MICU3: variants seen among roughly 807,000 people sequenced by gnomAD.
MICU3 encodes the protein calcium uptake protein 3, mitochondrial.
In MICU3, 62 loss-of-function variants were observed where a neutral mutation model predicts 66.5. That is an observed-to-expected ratio of 0.93 (90% CI 0.76 to 1.15). The LOEUF (loss-of-function observed/expected upper bound fraction) is 1.15, where lower values mean the gene tolerates loss of function less well. MICU3 is among the 50% of genes most tolerant of loss of function. MICU3 has a pLI of 0.00. For missense variants in MICU3, 779 were observed against 664.4 expected (o/e 1.17, Z -1.90); for synonymous variants, 308 against 240.7 (o/e 1.28, Z -2.59).
Position 17,084,270 on chromosome 8 carries a change from C to T in MICU3, c.695-966C>T, listed in dbSNP as rs950407335. On this transcript the variant is annotated intron_variant, in intron 5 of 14. Transcript: ENST00000318063. ...CAAGATCTTTTTAAAGTGTAAAACTCGGTTATTAGAGATGTTGTAAATTTG... is the reference window on the plus strand; with the variant it reads ...CAAGATCTTTTTAAAGTGTAAAACTTGGTTATTAGAGATGTTGTAAATTTG... Among the ~76,000 whole-genome samples the T allele has an allele frequency of 7.2e-5, 11 of 152,040 alleles. No individual in the cohort carries two copies. In the South Asian group the frequency reaches 1.2e-3, roughly 17 times the overall value.
chr8:17,123,305 A>T (rs1427878811), downstream of MICU3, among the ~76,000 whole-genome samples: 2 of 152,152 alleles, frequency 1.3e-5, 1 homozygote, highest in East Asian at 3.8e-4. Context: ...TATAATTGTG[A>T]CTATACGCAC....
chr8:17,127,197 G>A (rs1803426658), downstream of MICU3, among the ~76,000 whole-genome samples: 1 of 152,132 alleles, frequency 6.6e-6, no homozygotes, highest in Non-Finnish European at 1.5e-5. Context: ...TCTATGAAAA[G>A]CACCCTGAAA....
At chr8:17,086,046 A>G (rs1215906606) in intron 6 of MICU3, among the ~76,000 whole-genome samples, 10 of 152,032 alleles carry the variant, frequency 6.6e-5, no homozygotes, top group Admixed American at 5.2e-4. Flanking sequence ...TAGCATATAT[A>G]TTACACTCTG....
chr8:17,057,841 G>A (rs1817185628), intron 1 of MICU3, among the ~76,000 whole-genome samples: 1 of 151,424 alleles, frequency 6.6e-6, no homozygotes, highest in Non-Finnish European at 1.5e-5. Context: ...TGTTCTTGTT[G>A]TTGTTGTTGT....
intron 1 of MICU3, among the ~76,000 whole-genome samples, chr8:17,062,642 A>T (rs1818023196): frequency 6.6e-6 from 1 of 152,180 alleles, no homozygotes; most frequent in Non-Finnish European, 1.5e-5. Context: ...TCTTATATGA[A>T]ATCATTTTAT....
chr8:17,072,745 A>G (rs184468926), intron 3 of MICU3, among the ~76,000 whole-genome samples: 1 of 152,288 alleles, frequency 6.6e-6, no homozygotes, highest in African/African-American at 2.4e-5. Flanking sequence ...GAACCTTACT[A>G]GTAACTTAGG....
rs944831027 is a variant in MICU3 at position 17,122,485 on chromosome 8, A to G, written c.*2198A>G. On this transcript the variant is annotated 3_prime_UTR_variant, in exon 15 of 15. Transcript: ENST00000318063. ...ATTAAACTTTTTACAGAAAGCATAC[A>G]TGATAAACAGTTTATGGTACTTCTC... 3.9e-5 allele frequency: 6 copies of G among 151,966 alleles called. No individual in the cohort carries two copies. The East Asian group carries it at 1.2e-3, about 29-fold the overall frequency. The allele number at this position is 151,966 out of a possible 1,614,324, so 9.4% of individuals were successfully genotyped here.
chr8:17,053,894 T>C (rs2150579381), intron 1 of MICU3, among the ~76,000 whole-genome samples: 1 of 152,306 alleles, frequency 6.6e-6, no homozygotes, highest in Admixed American at 6.5e-5. Flanking sequence ...AAGGTGTAAT[T>C]TCCTAGAAGG....
intron 3 of MICU3, among the ~76,000 whole-genome samples, chr8:17,071,558 T>C (rs928862284): frequency 3.3e-5 from 5 of 151,964 alleles, no homozygotes; most frequent in African/African-American, 1.2e-4. Flanking sequence ...CTTCAACATA[T>C]GAATCGGGGA....
intron 8 of MICU3, among the ~76,000 whole-genome samples, chr8:17,092,694 C>T (rs1464453875): frequency 6.6e-6 from 1 of 151,882 alleles, no homozygotes; most frequent in African/African-American, 2.4e-5. Context: ...TTTTCATAAA[C>T]TACAAGCAAA....
At chr8:17,137,521 T>TAAA in the MICU3 span, among the ~76,000 whole-genome samples, 162 of 134,602 alleles carry the variant, frequency 1.2e-3, 1 homozygote, top group African/African-American at 4.0e-3. Flanking sequence ...TGCTTTTTTT[T>TAAA]AAAAAAAAAA....
intron 8 of MICU3, among the ~76,000 whole-genome samples, chr8:17,094,340 G>A (rs933141317): frequency 1.3e-5 from 2 of 151,956 alleles, no homozygotes; most frequent in African/African-American, 4.8e-5. Context: ...GTTTACATAT[G>A]TTATGTATTT....
At chr8:17,128,782 C>T in the MICU3 span, among the ~76,000 whole-genome samples, 3 of 152,036 alleles carry the variant, frequency 2.0e-5, no homozygotes, top group South Asian at 6.2e-4. Flanking sequence ...CATGGGATGG[C>T]AGAAATGGGA....
intron 1 of MICU3, among the ~76,000 whole-genome samples, chr8:17,028,681 C>T (rs193043361): frequency 6.6e-6 from 1 of 152,150 alleles, no homozygotes; most frequent in Non-Finnish European, 1.5e-5. Context: ...AATTAGGTTA[C>T]GGAATCTGCT....
At chr8:17,126,724 G>T (rs1489077598), downstream of MICU3, among the ~76,000 whole-genome samples, 1 of 152,194 alleles carries the variant, frequency 6.6e-6, no homozygotes, top group Non-Finnish European at 1.5e-5. Flanking sequence ...CAAATCTAGA[G>T]TTAGACTACT....
At chr8:17,091,611 A>G (rs1318049421) in intron 8 of MICU3, among the ~76,000 whole-genome samples, 1 of 152,040 alleles carries the variant, frequency 6.6e-6, no homozygotes, top group African/African-American at 2.4e-5. Context: ...TCCTCATTAT[A>G]CAAAATGGAC....
intron 9 of MICU3, among the ~76,000 whole-genome samples, chr8:17,103,620 A>T (rs567037547): frequency 1.4e-3 from 209 of 151,856 alleles, no homozygotes; most frequent in African/African-American, 4.6e-3. Flanking sequence ...GAAAAGGAAG[A>T]TCTATAAAGC....
chr8:17,103,421 G>A (rs1801452064), intron 9 of MICU3, among the ~76,000 whole-genome samples: 1 of 151,818 alleles, frequency 6.6e-6, no homozygotes, highest in African/African-American at 2.4e-5. Flanking sequence ...AGCTAAAAAC[G>A]ATGTGCCTAT....
intron 13 of MICU3, among the ~76,000 whole-genome samples, chr8:17,118,165 C>T (rs1354682160): frequency 2.6e-5 from 4 of 152,064 alleles, no homozygotes; most frequent in Non-Finnish European, 4.4e-5. Flanking sequence ...ATATAAAGTA[C>T]GCTAGAAACG....
Sources: allele counts gnomAD v4.1 joint callset (sites outside exome capture counted in the v4.1 genomes callset), GRCh38; gene constraint gnomAD v4.1.1; transcripts MANE v1.5; gene names NCBI Gene and HGNC (gene_info 2026-07-23, HGNC 2026-07-21).